Variants in PPP1R1C observed in about 807,000 individuals in gnomAD.
PPP1R1C encodes the protein protein phosphatase 1 regulatory inhibitor subunit 1C, also known as protein phosphatase 1 regulatory subunit 1C.
Under a neutral mutation model 17.4 loss-of-function variants are expected in PPP1R1C, and 15 were observed. The observed-to-expected ratio is 0.86, with a 90% CI of 0.58 to 1.33. The LOEUF is 1.33. Ranked by LOEUF, PPP1R1C falls within the 40% of genes most tolerant of loss-of-function variation. PPP1R1C has a pLI of 0.00. For missense variants in PPP1R1C, 143 were observed against 130.0 expected (o/e 1.10, Z -0.48); for synonymous variants, 35 against 43.1 (o/e 0.81, Z 0.73).
At chr2:181,955,989 T>C (rs1353212511) in intron 1 of PPP1R1C, among the ~76,000 whole-genome samples, 1 of 152,198 alleles carries the variant, frequency 6.6e-6, no homozygotes, top group Admixed American at 6.5e-5. Context: ...CATCAACCCA[T>C]CATCTATGTT....
chr2:182,076,192 C>T (rs28570543), intron 4 of PPP1R1C, among the ~76,000 whole-genome samples: 1,517 of 25,294 alleles, frequency 0.06, 147 homozygotes, highest in African/African-American at 0.18. Flanking sequence ...TTTTTTTTTT[C>T]TTTTCTTTTT....
chr2:182,080,371 C>T (rs370684900), intron 4 of PPP1R1C, among the ~76,000 whole-genome samples: 29 of 152,310 alleles, frequency 1.9e-4, no homozygotes, highest in African/African-American at 6.7e-4. Context: ...GATTCAAAGC[C>T]TCAACATCAT....
intron 4 of PPP1R1C, among the ~76,000 whole-genome samples, chr2:182,084,077 C>T (rs1390149485): frequency 2.0e-5 from 3 of 151,776 alleles, no homozygotes; most frequent in Non-Finnish European, 4.4e-5. Flanking sequence ...TGAGAGCTAT[C>T]TATTCATGTC....
At chr2:181,966,971 A>G (rs183899909) in intron 1 of PPP1R1C, among the ~76,000 whole-genome samples, 9 of 152,248 alleles carry the variant, frequency 5.9e-5, no homozygotes, top group African/African-American at 2.2e-4. Flanking sequence ...TTTTTATTAT[A>G]GCATTGATCT....
In PPP1R1C at chr2:182,031,198, A is replaced by G. The variant is rs571886759; in HGVS notation, c.143-30244A>G. The stretch of plus-strand genomic sequence containing the variant: ...CTGCATAGCTCACGCTGGGAGCTGT[A>G]GACCGGAGCTGTTCCTATTCGGCCA... On this transcript the variant is annotated intron_variant, in intron 2 of 4. Transcript: ENST00000682840. 2.2e-4 allele frequency among the ~76,000 whole-genome samples: 33 copies of G among 152,366 alleles called. 1 individual carries two copies. The South Asian group carries it at 6.8e-3, about 32-fold the overall frequency.
At chr2:182,123,318 T>A (rs780601451) in intron 5 of PPP1R1C, among the ~76,000 whole-genome samples, 1 of 152,200 alleles carries the variant, frequency 6.6e-6, no homozygotes, top group Non-Finnish European at 1.5e-5. Context: ...AACATACGTG[T>A]GCGTGTGTCT....
intron 4 of PPP1R1C, among the ~76,000 whole-genome samples, chr2:182,116,212 A>G (rs995367612): frequency 2.6e-5 from 4 of 152,210 alleles, no homozygotes; most frequent in Non-Finnish European, 2.9e-5. Flanking sequence ...TAGACAATAA[A>G]TATTAATGAG....
chr2:182,001,855 C>T (rs1160567686), intron 2 of PPP1R1C, among the ~76,000 whole-genome samples: 6 of 152,068 alleles, frequency 3.9e-5, no homozygotes, highest in African/African-American at 1.4e-4. Flanking sequence ...GGACTTTGTA[C>T]TATATCCTTC....
At chr2:182,045,279 CT>C (rs1452417343) in intron 2 of PPP1R1C, among the ~76,000 whole-genome samples, 1 of 151,998 alleles carries the variant, frequency 6.6e-6, no homozygotes, top group East Asian at 1.9e-4. Flanking sequence ...TAAAGCATTG[CT>C]TTTTTTGAGG....
At chr2:182,120,069 G>A (rs552823279), downstream of PPP1R1C, among the ~76,000 whole-genome samples, 1,035 of 152,174 alleles carry the variant, frequency 6.8e-3, 7 homozygotes, top group Non-Finnish European at 0.011. Context: ...AATCCATCTC[G>A]AATTAATTTT....
intron 4 of PPP1R1C, among the ~76,000 whole-genome samples, chr2:182,064,328 G>A (rs116393899): frequency 0.012 from 1,853 of 152,168 alleles, 19 homozygotes; most frequent in South Asian, 0.037. Flanking sequence ...CCCCAGAATT[G>A]GAACTGCTAA....
intron 4 of PPP1R1C, among the ~76,000 whole-genome samples, chr2:182,116,594 A>G (rs1434515801): frequency 6.6e-6 from 1 of 152,188 alleles, no homozygotes; most frequent in Non-Finnish European, 1.5e-5. Flanking sequence ...AAAGCAGGAA[A>G]GGCTGGTGAG....
intron 4 of PPP1R1C, among the ~76,000 whole-genome samples, chr2:182,092,487 C>A (rs2125221871): frequency 6.6e-6 from 1 of 152,284 alleles, no homozygotes; most frequent in Middle Eastern, 3.4e-3. Context: ...CATGCCTTCC[C>A]AACAGTCTCC....
chr2:182,056,886 T>G (rs1687699514), intron 2 of PPP1R1C, among the ~76,000 whole-genome samples: 1 of 152,222 alleles, frequency 6.6e-6, no homozygotes, highest in South Asian at 2.1e-4. Flanking sequence ...AGATTCCCTT[T>G]GAGCCACTTA....
At chr2:182,097,110 C>T (rs1688963405) in intron 4 of PPP1R1C, among the ~76,000 whole-genome samples, 1 of 152,128 alleles carries the variant, frequency 6.6e-6, no homozygotes, top group Non-Finnish European at 1.5e-5. Flanking sequence ...ATCTCTGATA[C>T]CACTCATTTC....
At chr2:182,084,213 G>A (rs532820502) in intron 4 of PPP1R1C, among the ~76,000 whole-genome samples, 5 of 151,806 alleles carry the variant, frequency 3.3e-5, no homozygotes, top group Non-Finnish European at 7.4e-5. Flanking sequence ...CCCATTCTGT[G>A]GGTTGTCTGT....
intron 2 of PPP1R1C, among the ~76,000 whole-genome samples, chr2:181,997,164 G>A (rs563551550): frequency 6.6e-6 from 1 of 150,938 alleles, no homozygotes; most frequent in South Asian, 2.1e-4. Flanking sequence ...GGGAGGCGGA[G>A]CTTGCAGTGA....
intron 2 of PPP1R1C, among the ~76,000 whole-genome samples, chr2:182,039,058 A>T (rs950848223): frequency 1.3e-5 from 2 of 152,162 alleles, no homozygotes; most frequent in African/African-American, 4.8e-5. Flanking sequence ...GATGTTCTTT[A>T]TGTTCTTCCA....
intron 5 of PPP1R1C, among the ~76,000 whole-genome samples, chr2:182,123,971 G>A (rs564248036): frequency 6.6e-6 from 1 of 152,276 alleles, no homozygotes; most frequent in East Asian, 1.9e-4. Flanking sequence ...TTCTTATAGG[G>A]TTTTTATGGT....
Sources: allele counts gnomAD v4.1 joint callset (sites outside exome capture counted in the v4.1 genomes callset), GRCh38; gene constraint gnomAD v4.1.1; transcripts MANE v1.5; gene names NCBI Gene and HGNC (gene_info 2026-07-23, HGNC 2026-07-21).